The following DNAH11 variants were observed in gnomAD, a reference collection of about 807,000 sequenced individuals.
The protein encoded by DNAH11 is dynein axonemal heavy chain 11.
In DNAH11, 442 loss-of-function variants were observed where a neutral mutation model predicts 526.0. The ratio of observed to expected loss-of-function variants is 0.84; its 90% CI spans 0.78 to 0.91. The LOEUF is 0.91. Ranked by LOEUF, DNAH11 falls within the 40% of genes least tolerant of loss-of-function variation. The probability of loss-of-function intolerance (pLI) is 0.00; values close to 1 mark genes in which losing one functional copy is unlikely to be tolerated. For missense variants in DNAH11, 6,989 were observed against 5,448.7 expected, an observed-to-expected ratio of 1.28 and a Z score of -8.90; for synonymous variants, 2,461 against 1,935.9, an observed-to-expected ratio of 1.27 and a Z score of -7.12.
intron 74 of DNAH11, among the ~76,000 whole-genome samples, chr7:21,878,148 T>A (rs1480306626): frequency 6.6e-6 from 1 of 152,240 alleles, no homozygotes; most frequent in Non-Finnish European, 1.5e-5. Flanking sequence ...TCACTTGGTT[T>A]GCAAAAATAC....
intron 62 of DNAH11, among the ~76,000 whole-genome samples, chr7:21,804,202 G>C (rs866215647): frequency 6.6e-6 from 1 of 151,970 alleles, no homozygotes; most frequent in Non-Finnish European, 1.5e-5. Context: ...TCCGCCTCCC[G>C]GGTTCACGCC....
intron 45 of DNAH11, 32 bp from the exon 46 acceptor site, chr7:21,735,608 T>A: frequency 6.5e-7 from 1 of 1,549,248 alleles, no homozygotes; most frequent in Non-Finnish European, 8.7e-7. Flanking sequence ...TCTCTCTTTC[T>A]GATCTTTGTC....
intron 66 of DNAH11, among the ~76,000 whole-genome samples, chr7:21,847,057 C>G (rs1467704525): frequency 1.3e-5 from 2 of 152,056 alleles, no homozygotes; most frequent in South Asian, 2.1e-4. Flanking sequence ...ATTTCTCATA[C>G]TAGTAATTGG....
intron 45 of DNAH11, among the ~76,000 whole-genome samples, chr7:21,732,560 G>T (rs778912088): frequency 1.3e-5 from 2 of 152,114 alleles, no homozygotes; most frequent in Non-Finnish European, 1.5e-5. Context: ...ATCACATTCT[G>T]AGGTACTGCA....
intron 9 of DNAH11, among the ~76,000 whole-genome samples, chr7:21,583,358 A>G (rs1562678547): frequency 6.6e-6 from 1 of 152,198 alleles, no homozygotes; most frequent in African/African-American, 2.4e-5. Flanking sequence ...TATTTAATAA[A>G]TGGTGTTGGG....
At position 21,867,998 on chromosome 7, in the gene DNAH11, G is replaced by A. The variant is rs1783348359; in HGVS notation, c.11830G>A (p.Glu3944Lys). 2 of 1,540,922 alleles carry A rather than the reference G, an allele frequency of 1.3e-6. No individual in the cohort carries two copies. The highest frequency in any genetic ancestry group is 1.8e-6 in the Non-Finnish European group (2 of 1,140,602). The part of the protein sequence containing the change: ...SPGVDALKDL[E>K]ILGKRLGFTI... ...GGGGGTAGATGCCCTTAAAGACCTG[G>A]AGATTCTTGGTGAGTGGCTGGGAGG... Residue 3944 changes from glutamate to lysine, a missense_variant, in exon 72 of 82, where the codon GAG becomes AAG. Transcript: ENST00000409508.
intron 39 of DNAH11, among the ~76,000 whole-genome samples, chr7:21,707,371 T>C (rs966617580): frequency 3.9e-5 from 6 of 152,186 alleles, no homozygotes; most frequent in African/African-American, 1.4e-4. Context: ...GCAGGGTAGA[T>C]TTTGTAATCA....
At chr7:21,745,772 AT>A (rs1349931168) in intron 51 of DNAH11, among the ~76,000 whole-genome samples, 3 of 152,254 alleles carry the variant, frequency 2.0e-5, no homozygotes, top group African/African-American at 7.2e-5. Context: ...AAATAGGTTG[AT>A]TCTGTGAGAA....
Position 21,655,831 on chromosome 7 carries a change from G to A in DNAH11, c.4945-1G>A. On this transcript the variant is annotated splice_acceptor_variant, in intron 28 of 81. Transcript: ENST00000409508. LOFTEE classifies it high-confidence loss of function. The stretch of plus-strand genomic sequence containing the variant: ...TATCTTTTCTAATATTCTCATTTTA[G>A]GTAACATGTCACCTTGCCAAACTTT... The A allele has an allele frequency of 6.2e-7, 1 of 1,611,830 alleles. No individual in the cohort carries two copies. Among genetic ancestry groups the A allele is most frequent in the Non-Finnish European group, 8.5e-7 (1 of 1,178,736 alleles).
intron 62 of DNAH11, 130 bp from the exon 63 acceptor site, chr7:21,807,753 C>G: frequency 1.3e-6 from 1 of 745,684 alleles, no homozygotes; most frequent in Non-Finnish European, 2.0e-6. Flanking sequence ...CACACCAACC[C>G]GTTACACTCT....
At chr7:21,592,740 C>T (rs976162813) in intron 14 of DNAH11, among the ~76,000 whole-genome samples, 27 of 152,130 alleles carry the variant, frequency 1.8e-4, no homozygotes, top group African/African-American at 6.3e-4. Context: ...ATTTTGATGG[C>T]AGAGCCAGCA....
At chr7:21,669,190 T>C (rs972411896) in intron 30 of DNAH11, among the ~76,000 whole-genome samples, 3 of 152,146 alleles carry the variant, frequency 2.0e-5, no homozygotes, top group Admixed American at 6.5e-5. Context: ...ATTTGCCTTA[T>C]ATATTTTTAA....
In DNAH11 at chr7:21,707,836, G is replaced by A. The variant is rs763741956; in HGVS notation, c.6683+1G>A. ...CTACCCGAGAATGGAAAGATGGCAAGTAGTATTTCCCCTTTAGAAGTGCTC... is the reference window on the plus strand; with the variant it reads ...CTACCCGAGAATGGAAAGATGGCAAATAGTATTTCCCCTTTAGAAGTGCTC... On this transcript the variant is annotated splice_donor_variant, in intron 40 of 81. Coordinates refer to ENST00000409508, the MANE Select transcript of DNAH11 (RefSeq NM_001277115.2). LOFTEE classifies it high-confidence loss of function. 1 of 1,593,998 alleles carries A rather than the reference G, an allele frequency of 6.3e-7. No homozygotes were observed. Among genetic ancestry groups the A allele is most frequent in the South Asian group, 1.1e-5 (1 of 87,012 alleles).
intron 62 of DNAH11, among the ~76,000 whole-genome samples, chr7:21,805,030 G>A (rs112102683): frequency 2.6e-3 from 391 of 152,074 alleles, no homozygotes; most frequent in African/African-American, 9.0e-3. Context: ...TTCTTTGTGC[G>A]TTAGCCTTTC....
intron 65 of DNAH11, among the ~76,000 whole-genome samples, chr7:21,819,113 T>A (rs1789942905): frequency 6.6e-6 from 1 of 152,192 alleles, no homozygotes; most frequent in Non-Finnish European, 1.5e-5. Context: ...TTATGCCTCT[T>A]CACACAACCG....
At position 21,901,358 on chromosome 7, in the gene DNAH11, A is replaced by T; in HGVS notation, c.*104A>T. The stretch of plus-strand genomic sequence containing the variant: ...CATTATTCTAACTTTTTAGTAACTC[A>T]CACGTGCATTCTTTTTTCAACGCTA... On this transcript the variant is annotated 3_prime_UTR_variant, in exon 82 of 82. Coordinates refer to ENST00000409508, the MANE Select transcript of DNAH11 (RefSeq NM_001277115.2). The T allele has an allele frequency of 1.5e-6, 2 of 1,369,946 alleles. No homozygotes were observed. The highest frequency in any genetic ancestry group is 1.9e-6 in the Non-Finnish European group (2 of 1,050,572). 84.9% of individuals were successfully genotyped at this position (1,369,946 alleles called of 1,614,324 possible).
At chr7:21,858,620 G>GTA (rs1782944123) in intron 68 of DNAH11, among the ~76,000 whole-genome samples, 1 of 152,196 alleles carries the variant, frequency 6.6e-6, no homozygotes, top group South Asian at 2.1e-4. Flanking sequence ...ATACCGAGGA[G>GTA]TATATACCAT....
chr7:21,604,169 A>G (rs1785196852), intron 18 of DNAH11, among the ~76,000 whole-genome samples: 1 of 152,148 alleles, frequency 6.6e-6, no homozygotes, highest in Admixed American at 6.5e-5. Flanking sequence ...AAAACACCCT[A>G]AAGTCTGGCT....
intron 74 of DNAH11, among the ~76,000 whole-genome samples, chr7:21,875,935 G>A (rs1407344782): frequency 7.1e-6 from 1 of 140,174 alleles, no homozygotes; most frequent in Non-Finnish European, 1.5e-5. Context: ...CCAGGCTGGA[G>A]TGCAGTGGTA....
Sources: gnomAD v4.1 joint callset for allele counts (sites outside exome capture counted in the v4.1 genomes callset) on GRCh38, gnomAD v4.1.1 for gene constraint, MANE v1.5 for transcripts, NCBI Gene and HGNC (gene_info 2026-07-23, HGNC 2026-07-21) for gene names.